Variants in TOMM20L observed in about 807,000 individuals in gnomAD.
TOMM20L encodes TOMM20-like protein 1.
In TOMM20L, 19 loss-of-function variants were observed where a neutral mutation model predicts 20.4. That is an observed-to-expected ratio of 0.93 (90% CI 0.65 to 1.36). TOMM20L has a LOEUF of 1.36. Ranked by LOEUF, TOMM20L falls within the 40% of genes most tolerant of loss-of-function variation. The pLI is 0.00. For missense variants in TOMM20L, 218 were observed against 203.7 expected (o/e 1.07, Z -0.43); for synonymous variants, 75 against 79.6 (o/e 0.94, Z 0.30).
intron 2 of TOMM20L, among the ~76,000 whole-genome samples, chr14:58,397,093 T>C (rs2035936654): frequency 6.6e-6 from 1 of 152,198 alleles, no homozygotes; most frequent in Admixed American, 6.5e-5. Context: ...AGGGTGTTCC[T>C]ATGTTGCCCA....
At chr14:58,413,475 T>C (rs1408156794), downstream of TOMM20L, among the ~76,000 whole-genome samples, 1 of 152,204 alleles carries the variant, frequency 6.6e-6, no homozygotes, top group Non-Finnish European at 1.5e-5. Flanking sequence ...ACACATTCTC[T>C]AGTTCAAAAA....
downstream of TOMM20L, chr14:58,411,064 C>T (rs2036199447): frequency 1.5e-6 from 1 of 670,798 alleles, no homozygotes; most frequent in African/African-American, 1.8e-5. Flanking sequence ...AGTTATTATG[C>T]TAACTTAAAT....
the TOMM20L span, among the ~76,000 whole-genome samples, chr14:58,415,015 G>A: frequency 1.3e-5 from 2 of 152,170 alleles, no homozygotes; most frequent in African/African-American, 4.8e-5. Flanking sequence ...TGTAATGTCA[G>A]TGGAGGCCAC....
intron 2 of TOMM20L, among the ~76,000 whole-genome samples, chr14:58,401,122 G>A (rs1297667657): frequency 6.6e-6 from 1 of 152,138 alleles, no homozygotes; most frequent in African/African-American, 2.4e-5. Flanking sequence ...CCCTTTATTA[G>A]ACTGTGGCTC....
Position 58,401,549 on chromosome 14 carries a change from G to A in TOMM20L, c.181-1131G>A, listed in dbSNP as rs545351144. Among the ~76,000 whole-genome samples, 131 of 143,356 alleles carry A rather than the reference G, an allele frequency of 9.1e-4. 1 individual carries two copies. The highest frequency in any genetic ancestry group is 3.2e-3 in the African/African-American group (119 of 37,578). 94.0% of individuals were successfully genotyped at this position (143,356 alleles called of 152,430 possible). The stretch of plus-strand genomic sequence containing the variant: ...TGCACCACTGCACTCCAGCCTGGGC[G>A]ACAGAGCAAGACTCTGTCTCAAAAA... On this transcript the variant is annotated intron_variant, in intron 2 of 4. Transcript: ENST00000360945.
chr14:58,408,417 CAAAAA>C, intron 4 of TOMM20L, 107 bp from the exon 5 acceptor site: 15 of 722,242 alleles, frequency 2.1e-5, no homozygotes, highest in Admixed American at 3.8e-5. Flanking sequence ...AACTCCGTCT[CAAAAA>C]AAAAAAAAAA....
rs373823753 is a variant in TOMM20L, at chr14:58,405,579, G to T, written c.263-1747G>T. On this transcript the variant is annotated intron_variant, in intron 3 of 4. Transcript: ENST00000360945. The stretch of plus-strand genomic sequence containing the variant: ...CACCCACGCTGGAGTGCAGTGGCAT[G>T]ATCTTGGCTTAGCCTTCCGGGTTCA... 2.6e-5 allele frequency among the ~76,000 whole-genome samples: 4 copies of T among 152,280 alleles called. 1 individual carries two copies.
rs761934084 is a variant in TOMM20L, at chr14:58,395,971, G to T, written c.14G>T (p.Arg5Leu). ...GCCCGCGGTCGGATGCCCTCCGTCC[G>T]CTCCCTCCTCCGCCTCTTGGCCGCC... is the stretch of plus-strand genomic sequence containing the variant. MPSV[R>L]SLLRLLAAAA... The change falls in exon 1 of 5, where the codon CGC becomes CTC. Residue 5 changes from arginine (R) to leucine (L), a missense_variant. Arg to Leu is a moderately radical substitution (Grantham distance 102). Coordinates refer to ENST00000360945, the MANE Select transcript of TOMM20L (RefSeq NM_207377.3). The T allele has an allele frequency of 6.9e-7, 1 of 1,445,738 alleles. No individual in the cohort carries two copies. Among genetic ancestry groups the T allele is most frequent in the Non-Finnish European group, 9.2e-7 (1 of 1,092,142 alleles). 89.6% of individuals were successfully genotyped at this position (1,445,738 alleles called of 1,614,324 possible).
At position 58,396,300 on chromosome 14, in the gene TOMM20L, A is replaced by AGAAGAGCAGAGCCTCAAAAGGCT. The variant is rs2035917838; in HGVS notation, c.142_164dup (p.Gly58SerfsTer53). The AGAAGAGCAGAGCCTCAAAAGGCT allele has an allele frequency of 6.2e-7, 1 of 1,613,134 alleles. No homozygotes were observed. The highest frequency in any genetic ancestry group is 1.3e-5 in the African/African-American group (1 of 74,922). On this transcript the variant is annotated frameshift_variant, in exon 2 of 5. Coordinates refer to ENST00000360945, the MANE Select transcript of TOMM20L (RefSeq NM_207377.3). LOFTEE classifies it high-confidence loss of function. Reference sequence around the variant, plus strand: ...CATGTGCCGTGTTGTGTTCGCAGAAAGAAGAGCAGAGCCTCAAAAGGCTGA... The same window carrying AGAAGAGCAGAGCCTCAAAAGGCT: ...CATGTGCCGTGTTGTGTTCGCAGAAAGAAGAGCAGAGCCTCAAAAGGCTGAAGAGCAGAGCCTCAAAAGGCTGA...
intron 3 of TOMM20L, among the ~76,000 whole-genome samples, chr14:58,405,727 G>A (rs1461018335): frequency 6.6e-6 from 1 of 151,924 alleles, no homozygotes; most frequent in Non-Finnish European, 1.5e-5. Flanking sequence ...GGCTGGTCTC[G>A]AACTGACCTC....
rs777864366 is a variant in TOMM20L at position 58,396,066 on chromosome 14, C to T, written c.109C>T (p.Pro37Ser). The change falls in exon 1 of 5, where the codon CCC becomes TCC. Residue 37 changes from proline to serine, a missense_variant. Coordinates refer to ENST00000360945, the MANE Select transcript of TOMM20L (RefSeq NM_207377.3). ...IYLNRKRRGD[P>S]AFKRRLRDKR... ...CCTCAACCGGAAGCGGCGCGGGGAC[C>T]CCGCGTTCAAGCGCCGCCTGCGGGA... 3 of 1,408,870 alleles carry T rather than the reference C, an allele frequency of 2.1e-6. No individual in the cohort carries two copies. Among genetic ancestry groups the T allele is most frequent in the South Asian group, 1.8e-5 (1 of 55,562 alleles). The allele number at this position is 1,408,870 out of a possible 1,614,324, so 87.3% of individuals were successfully genotyped here.
chr14:58,403,098 T>C (rs1438001829), intron 3 of TOMM20L, among the ~76,000 whole-genome samples: 1 of 152,252 alleles, frequency 6.6e-6, no homozygotes, highest in Non-Finnish European at 1.5e-5. Flanking sequence ...GGCTCATACC[T>C]GTAATCCCAA....
At chr14:58,413,622 C>T (rs2036290897), downstream of TOMM20L, among the ~76,000 whole-genome samples, 1 of 152,106 alleles carries the variant, frequency 6.6e-6, no homozygotes, top group Admixed American at 6.6e-5. Context: ...GACTTAGGTT[C>T]AGTTAATCTA....
Position 58,408,634 on chromosome 14 carries a change from G to A in TOMM20L, c.*52G>A, listed in dbSNP as rs372764103. ...AGTGAGAATACTATGGTACCATACA[G>A]TATAAACAACTGCTCAGTGATATTT... On this transcript the variant is annotated 3_prime_UTR_variant, in exon 5 of 5. Transcript: ENST00000360945. 1.3e-6 allele frequency: 2 copies of A among 1,526,608 alleles called. No homozygotes were observed. Among genetic ancestry groups the A allele is most frequent in the East Asian group, 2.3e-5 (1 of 43,804 alleles). 94.6% of individuals were successfully genotyped at this position (1,526,608 alleles called of 1,614,324 possible).
intron 3 of TOMM20L, among the ~76,000 whole-genome samples, chr14:58,404,662 G>A (rs76791672): frequency 1.4e-3 from 206 of 152,186 alleles, no homozygotes; most frequent in African/African-American, 4.8e-3. Context: ...TGAAAAAGTT[G>A]CAGGCATTCA....
downstream of TOMM20L, chr14:58,412,066 T>C: frequency 1.1e-6 from 1 of 888,010 alleles, no homozygotes; most frequent in Non-Finnish European, 1.8e-6. Context: ...ATTTTATAAA[T>C]CTGTGTATGT....
chr14:58,406,044 GTCT>G (rs2036053410), intron 3 of TOMM20L, among the ~76,000 whole-genome samples: 1 of 152,096 alleles, frequency 6.6e-6, no homozygotes, highest in African/African-American at 2.4e-5. Flanking sequence ...GTTTTCTGCA[GTCT>G]TCTTAACTTT....
downstream of TOMM20L, among the ~76,000 whole-genome samples, chr14:58,412,594 T>G (rs572982101): frequency 1.3e-5 from 2 of 152,130 alleles, no homozygotes; most frequent in Admixed American, 1.3e-4. Context: ...TGGTGAAGTT[T>G]GGGCTTAAAA....
At chr14:58,412,003 T>C, downstream of TOMM20L, 1 of 1,523,464 alleles carries the variant, frequency 6.6e-7, no homozygotes, top group Non-Finnish European at 9.1e-7. Flanking sequence ...AGTTTGTCAA[T>C]CTATAAACAA....
Sources: gnomAD v4.1 joint callset for allele counts (sites outside exome capture counted in the v4.1 genomes callset) on GRCh38, gnomAD v4.1.1 for gene constraint, MANE v1.5 for transcripts, NCBI Gene and HGNC (gene_info 2026-07-23, HGNC 2026-07-21) for gene names.